MYH7B: variants seen among roughly 807,000 people sequenced by gnomAD.
The protein encoded by MYH7B is myosin-7B.
A neutral mutation model predicts 234.5 loss-of-function variants in MYH7B; 205 were observed. That is an observed-to-expected ratio of 0.87 (90% CI 0.78 to 0.98). MYH7B has a LOEUF of 0.98. Ranked by LOEUF, MYH7B falls within the 50% of genes least tolerant of loss-of-function variation. The probability of loss-of-function intolerance (pLI) is 0.00; values close to 1 mark genes in which losing one functional copy is unlikely to be tolerated. For missense variants in MYH7B, 2,652 were observed against 2,633.4 expected (o/e 1.01, Z -0.15); for synonymous variants, 1,193 against 1,105.0 (o/e 1.08, Z -1.58).
chr20:34,991,825 C>T (rs1385652342), intron 24 of MYH7B, among the ~76,000 whole-genome samples: 1 of 152,236 alleles, frequency 6.6e-6, no homozygotes, highest in African/African-American at 2.4e-5. Flanking sequence ...TACACGCACA[C>T]ACACGCATGG....
intron 3 of MYH7B, 132 bp downstream of exon 3, chr20:34,975,631 G>A (rs536251927): frequency 2.0e-5 from 12 of 607,678 alleles, no homozygotes; most frequent in East Asian, 1.4e-4. Flanking sequence ...GGGGACCCGC[G>A]TCATTTCCTA....
exon 30 of MYH7B, chr20:34,996,745 G>C (rs1434809433): frequency 6.2e-7 from 1 of 1,611,966 alleles, no homozygotes; most frequent in Admixed American, 1.7e-5. Flanking sequence ...GCAGCTGGAG[G>C]AGAAGCTCAA....
intron 24 of MYH7B, among the ~76,000 whole-genome samples, chr20:34,992,583 C>T (rs575666498): frequency 2.7e-5 from 3 of 110,904 alleles, no homozygotes; most frequent in Non-Finnish European, 5.3e-5. Flanking sequence ...TTTTTTGAGA[C>T]GGAGTCTTGC....
chr20:34,964,565 C>T (rs1018786104), intron 2 of MYH7B, among the ~76,000 whole-genome samples: 1 of 152,168 alleles, frequency 6.6e-6, no homozygotes, highest in African/African-American at 2.4e-5. Context: ...TATCGTCCTG[C>T]TCTTCCATCT....
Position 34,986,866 on chromosome 20 carries a change from T to A in MYH7B, c.905-20T>A, listed in dbSNP as rs2082034512. Reference sequence around the variant, plus strand: ...CGGTAAGCACTGCCTGACCCTCCCTTCTCTGCCCTGTGTCCCCAGACATGC... The same window carrying A: ...CGGTAAGCACTGCCTGACCCTCCCTACTCTGCCCTGTGTCCCCAGACATGC... On this transcript the variant is annotated intron_variant, in intron 14 of 44. Transcript: ENST00000262873. 1 of 1,602,878 alleles carries A rather than the reference T, an allele frequency of 6.2e-7. No individual in the cohort carries two copies. Among genetic ancestry groups the A allele is most frequent in the Non-Finnish European group, 8.5e-7 (1 of 1,170,106 alleles).
intron 43 of MYH7B, 64 bp downstream of exon 43, chr20:35,001,590 C>T (rs1271393180): frequency 2.1e-6 from 3 of 1,400,468 alleles, no homozygotes; most frequent in Non-Finnish European, 2.0e-6. Flanking sequence ...GGTCTGTGGC[C>T]AGGTGAGGCA....
chr20:34,958,103 C>T (rs1419161284), exon 2 of MYH7B, among the ~76,000 whole-genome samples: 1 of 152,154 alleles, frequency 6.6e-6, no homozygotes, highest in Non-Finnish European at 1.5e-5. Flanking sequence ...TGCAGGTTCC[C>T]CTCTTCCAAG....
At chr20:35,001,694 G>T (rs2082388985) in intron 43 of MYH7B, 168 bp downstream of exon 43, 2 of 796,780 alleles carry the variant, frequency 2.5e-6, no homozygotes, top group South Asian at 3.6e-5. Flanking sequence ...TCCTTCTCAT[G>T]GAACAGACCC....
At chr20:34,973,648 C>T (rs2081814162) in intron 2 of MYH7B, among the ~76,000 whole-genome samples, 1 of 152,230 alleles carries the variant, frequency 6.6e-6, no homozygotes, top group African/African-American at 2.4e-5. Context: ...GTGAAAAGTC[C>T]CCTTTTGCAT....
exon 19 of MYH7B, chr20:34,988,094 C>G: frequency 6.2e-7 from 1 of 1,612,444 alleles, no homozygotes; most frequent in Non-Finnish European, 8.5e-7. Context: ...TCTTGTAGTT[C>G]AACAGCTTCG....
chr20:34,979,421 G>C (rs267605896), exon 6 of MYH7B: 1 of 1,613,906 alleles, frequency 6.2e-7, no homozygotes, highest in Non-Finnish European at 8.5e-7. Context: ...CTGATGAACA[G>C]GACGCCTACG....
intron 34 of MYH7B, 33 bp downstream of exon 34, chr20:34,998,662 G>A: frequency 1.2e-6 from 2 of 1,612,538 alleles, no homozygotes; most frequent in Non-Finnish European, 1.7e-6. Flanking sequence ...GGAGTGGGCA[G>A]GTGGGCACCA....
intron 41 of MYH7B, 37 bp downstream of exon 41, chr20:35,001,195 G>A: frequency 2.5e-6 from 4 of 1,607,638 alleles, no homozygotes; most frequent in Non-Finnish European, 3.4e-6. Context: ...CGCAGGCAGG[G>A]TGGGTGACCC....
At chr20:34,975,836 C>T (rs2081846756) in intron 3 of MYH7B, among the ~76,000 whole-genome samples, 1 of 152,210 alleles carries the variant, frequency 6.6e-6, no homozygotes, top group African/African-American at 2.4e-5. Flanking sequence ...CTGCCTCAGC[C>T]TCCAGAGTAG....
chr20:34,956,931 T>C (rs1014537663), intron 1 of MYH7B, among the ~76,000 whole-genome samples: 1 of 152,216 alleles, frequency 6.6e-6, no homozygotes, highest in Non-Finnish European at 1.5e-5. Flanking sequence ...GGCCCGTGCC[T>C]GTAATCCCAG....
chr20:34,965,998 T>C (rs950637734), intron 2 of MYH7B, among the ~76,000 whole-genome samples: 1 of 152,060 alleles, frequency 6.6e-6, no homozygotes, highest in African/African-American at 2.4e-5. Flanking sequence ...CATAAGACTG[T>C]CTTCTTGCTG....
rs80178315 is a variant in MYH7B, at chr20:34,991,714, G to A, written c.2183+593G>A. Among the ~76,000 whole-genome samples, 1,375 of 152,262 alleles carry A rather than the reference G, an allele frequency of 9.0e-3. 14 individuals are homozygous for A. Among genetic ancestry groups the A allele is most frequent in the African/African-American group, 0.032 (1,312 of 41,552 alleles). On this transcript the variant is annotated intron_variant, in intron 24 of 44. Coordinates refer to ENST00000262873, the Ensembl canonical transcript of MYH7B. The stretch of plus-strand genomic sequence containing the variant: ...TGGGCAGTGCTGCCAGCTCCTCCCC[G>A]TTCCCTCAATGGGCAACAAGCATCC...
chr20:34,957,485 T>A (rs2147144741), intron 1 of MYH7B, among the ~76,000 whole-genome samples: 1 of 34,344 alleles, frequency 2.9e-5, no homozygotes. Flanking sequence ...CTTTTGACTC[T>A]TTTTTTTTTT....
At chr20:34,959,833 T>C (rs1451449516) in intron 2 of MYH7B, among the ~76,000 whole-genome samples, 1 of 152,202 alleles carries the variant, frequency 6.6e-6, no homozygotes, top group Admixed American at 6.5e-5. Context: ...CCTTTATTGA[T>C]CTGGTCGCTA....
Sources: gnomAD v4.1 joint callset for allele counts (sites outside exome capture counted in the v4.1 genomes callset) on GRCh38, gnomAD v4.1.1 for gene constraint, MANE v1.5 for transcripts, NCBI Gene and HGNC (gene_info 2026-07-23, HGNC 2026-07-21) for gene names.